Variants in DTNA observed in about 807,000 individuals in gnomAD.
DTNA encodes the protein dystrophin-related protein 3.
In DTNA, 43 loss-of-function variants were observed where a neutral mutation model predicts 100.7. That is an observed-to-expected ratio of 0.43 (90% CI 0.33 to 0.55). The LOEUF is 0.55. DTNA is among the 20% of genes least tolerant of loss of function. The pLI is 0.04. For missense variants in DTNA, 798 were observed against 953.9 expected (o/e 0.84, Z 2.15); for synonymous variants, 349 against 347.9 (o/e 1.00, Z -0.04).
intron 1 of DTNA, among the ~76,000 whole-genome samples, chr18:34,558,688 G>A (rs557067145): frequency 6.6e-6 from 1 of 152,290 alleles, no homozygotes; most frequent in African/African-American, 2.4e-5. Context: ...GTCCAGAAAG[G>A]TCTCTTTGTC....
rs191041850 is a variant in DTNA, at chr18:34,574,773, A to G, written c.-2+81259A>G. Among the ~76,000 whole-genome samples, 1,192 of 152,254 alleles carry G rather than the reference A, an allele frequency of 7.8e-3. 3 individuals are homozygous for G. The highest frequency in any genetic ancestry group is 0.019 in the South Asian group (93 of 4,816). On this transcript the variant is annotated intron_variant, in intron 1 of 19. Transcript: ENST00000283365. Reference sequence around the variant, plus strand: ...CTACCTCCCAAGTAGCTGGGACTACAGGCACAAGCCACTATGCTCAGCTGA... The same window carrying G: ...CTACCTCCCAAGTAGCTGGGACTACGGGCACAAGCCACTATGCTCAGCTGA...
intron 1 of DTNA, among the ~76,000 whole-genome samples, chr18:34,740,371 A>G (rs778503454): frequency 1.3e-5 from 2 of 152,060 alleles, no homozygotes; most frequent in Non-Finnish European, 2.9e-5. Flanking sequence ...CTGCTTGTTC[A>G]CTCTGGGACA....
chr18:34,842,831 G>T (rs947207753), intron 13 of DTNA, among the ~76,000 whole-genome samples: 4 of 152,090 alleles, frequency 2.6e-5, no homozygotes, highest in African/African-American at 9.7e-5. Flanking sequence ...GTCATTGTTT[G>T]GTTGGTTAGT....
At chr18:34,542,465 T>G (rs1312871648) in intron 1 of DTNA, among the ~76,000 whole-genome samples, 1 of 152,078 alleles carries the variant, frequency 6.6e-6, no homozygotes, top group African/African-American at 2.4e-5. Context: ...TGAATGCTTC[T>G]TTGGTTTTAT....
At chr18:34,719,744 G>T (rs1195546039) in intron 1 of DTNA, among the ~76,000 whole-genome samples, 1 of 152,140 alleles carries the variant, frequency 6.6e-6, no homozygotes, top group Non-Finnish European at 1.5e-5. Flanking sequence ...GGCAGCTCTG[G>T]ATTTTTCTTA....
At chr18:34,837,206 TCTTA>T (rs895892083) in intron 11 of DTNA, among the ~76,000 whole-genome samples, 3 of 152,130 alleles carry the variant, frequency 2.0e-5, no homozygotes, top group African/African-American at 7.2e-5. Context: ...CAGGACAAAT[TCTTA>T]CTTAACCTAT....
intron 4 of DTNA, among the ~76,000 whole-genome samples, chr18:34,802,929 T>C (rs569638126): frequency 1.3e-3 from 199 of 152,310 alleles, no homozygotes; most frequent in Non-Finnish European, 2.4e-3. Context: ...CTCTTTAAAA[T>C]TGGACACCCT....
chr18:34,795,123 A>G (rs1489020239), intron 4 of DTNA, among the ~76,000 whole-genome samples: 2 of 152,166 alleles, frequency 1.3e-5, no homozygotes, highest in Non-Finnish European at 2.9e-5. Flanking sequence ...ATTAAAAAGG[A>G]AAATTGCTAA....
chr18:34,780,670 G>A (rs2094279613), intron 3 of DTNA, among the ~76,000 whole-genome samples: 1 of 152,094 alleles, frequency 6.6e-6, no homozygotes, highest in Non-Finnish European at 1.5e-5. Context: ...CTCATTTATT[G>A]TTCTGGGAGG....
At chr18:34,663,280 A>G (rs2075445506) in intron 1 of DTNA, among the ~76,000 whole-genome samples, 1 of 151,844 alleles carries the variant, frequency 6.6e-6, no homozygotes, top group Admixed American at 6.6e-5. Flanking sequence ...CAGTCTCCTA[A>G]GTTTCTGGGA....
chr18:34,524,468 C>A (rs1258642688), intron 1 of DTNA, among the ~76,000 whole-genome samples: 3 of 152,022 alleles, frequency 2.0e-5, no homozygotes, highest in African/African-American at 7.2e-5. Flanking sequence ...ATCAAAAAAT[C>A]TTTTGGAAGT....
chr18:34,849,406 A>G (rs1011322005), intron 14 of DTNA, among the ~76,000 whole-genome samples: 1 of 152,184 alleles, frequency 6.6e-6, no homozygotes, highest in Non-Finnish European at 1.5e-5. Context: ...AGGCTATGGT[A>G]TACCAAGATA....
chr18:34,796,815 G>C lies in DTNA; in HGVS notation c.362+2565G>C, dbSNP rs185821793. On this transcript the variant is annotated intron_variant, in intron 4 of 22. Coordinates refer to ENST00000444659, the MANE Select transcript of DTNA (RefSeq NM_001386795.1). The stretch of plus-strand genomic sequence containing the variant: ...AAATTCACTAGACTCCCAGGTAGTT[G>C]AACTTCGTGAAGAAAGTGGTAACCT... Among the ~76,000 whole-genome samples, 141 of 152,254 alleles carry C rather than the reference G, an allele frequency of 9.3e-4. 1 individual carries two copies. Among genetic ancestry groups the C allele is most frequent in the Non-Finnish European group, 1.5e-3 (104 of 68,028 alleles).
At position 34,809,463 on chromosome 18, in the gene DTNA, A is replaced by C. The variant is rs544065450; in HGVS notation, c.449-2496A>C. Reference sequence around the variant, plus strand: ...GACTCCATCTCAAAAACACAAATCAAAACAAAACAAAACAAAAAAAACAGG... The same window carrying C: ...GACTCCATCTCAAAAACACAAATCACAACAAAACAAAACAAAAAAAACAGG... On this transcript the variant is annotated intron_variant, in intron 5 of 22. Coordinates refer to ENST00000444659, the MANE Select transcript of DTNA (RefSeq NM_001386795.1). Among the ~76,000 whole-genome samples the C allele has an allele frequency of 1.9e-4, 29 of 152,266 alleles. No homozygotes were observed. In the South Asian group the frequency reaches 6.0e-3, roughly 32 times the overall value.
At chr18:34,867,400 TCCC>T in intron 17 of DTNA, 1 of 1,228,006 alleles carries the variant, frequency 8.1e-7, no homozygotes, top group Non-Finnish European at 1.0e-6. Context: ...CAGAAGACAG[TCCC>T]CCTGGGTGAA....
chr18:34,679,401 C>T (rs1036593091), intron 1 of DTNA: 1 of 152,130 alleles, frequency 6.6e-6, no homozygotes, highest in African/African-American at 2.4e-5. Context: ...TTCTGGCTTC[C>T]TGTTTGTGTA....
At chr18:34,567,430 A>C (rs117237728) in intron 1 of DTNA, among the ~76,000 whole-genome samples, 1 of 152,196 alleles carries the variant, frequency 6.6e-6, no homozygotes, top group Non-Finnish European at 1.5e-5. Context: ...TTGGGAATTT[A>C]AGAATTTAAA....
intron 9 of DTNA, among the ~76,000 whole-genome samples, chr18:34,825,594 G>T (rs992946722): frequency 1.3e-4 from 20 of 152,254 alleles, no homozygotes; most frequent in African/African-American, 4.8e-4. Context: ...AGGAATTTCA[G>T]TCCCTCTGAA....
intron 1 of DTNA, among the ~76,000 whole-genome samples, chr18:34,636,967 T>C (rs1476829536): frequency 1.3e-5 from 2 of 152,192 alleles, no homozygotes; most frequent in African/African-American, 4.8e-5. Flanking sequence ...CTGTCATTGA[T>C]TGGAACTTCC....
Sources: gnomAD v4.1 joint callset for allele counts (sites outside exome capture counted in the v4.1 genomes callset) on GRCh38, gnomAD v4.1.1 for gene constraint, MANE v1.5 for transcripts, NCBI Gene and HGNC (gene_info 2026-07-23, HGNC 2026-07-21) for gene names.